MYH15: variants seen among roughly 807,000 people sequenced by gnomAD.
MYH15 encodes the protein myosin heavy chain 15.
In MYH15, 227 loss-of-function variants were observed where a neutral mutation model predicts 240.5. That is an observed-to-expected ratio of 0.94 (90% CI 0.85 to 1.05). The LOEUF (loss-of-function observed/expected upper bound fraction) is 1.05. Among genes scored for constraint, MYH15 ranks in the 50% least tolerant of loss-of-function variants. The pLI, the probability that MYH15 is intolerant of heterozygous loss-of-function variation, is 0.00. For missense variants in MYH15, 2,217 were observed against 2,247.5 expected (o/e 0.99, Z 0.27); for synonymous variants, 785 against 796.7 (o/e 0.99, Z 0.25).
At chr3:108,545,136 A>G in the MYH15 span, among the ~76,000 whole-genome samples, 546 of 152,090 alleles carry the variant, frequency 3.6e-3, 1 homozygote, top group Non-Finnish European at 6.5e-3. Flanking sequence ...TCTTTCAAAA[A>G]GAGATGTTAA....
At chr3:108,528,347 G>A (rs2083689222) in intron 1 of MYH15, among the ~76,000 whole-genome samples, 1 of 152,080 alleles carries the variant, frequency 6.6e-6, no homozygotes, top group Non-Finnish European at 1.5e-5. Flanking sequence ...ATAAAGAATG[G>A]CCATATCATT....
chr3:108,394,690 G>A (rs2082446755), intron 35 of MYH15, among the ~76,000 whole-genome samples: 1 of 152,130 alleles, frequency 6.6e-6, no homozygotes, highest in Non-Finnish European at 1.5e-5. Flanking sequence ...GCCTCCTCCA[G>A]CCCTTAGGTA....
chr3:108,541,187 CAAGAT>C, the MYH15 span, among the ~76,000 whole-genome samples: 4 of 151,632 alleles, frequency 2.6e-5, no homozygotes, highest in East Asian at 3.9e-4. Flanking sequence ...TTTAACTAGA[CAAGAT>C]GAGTCTAAAA....
At chr3:108,435,390 G>A (rs2082822634) in intron 25 of MYH15, among the ~76,000 whole-genome samples, 1 of 152,060 alleles carries the variant, frequency 6.6e-6, no homozygotes, top group Non-Finnish European at 1.5e-5. Flanking sequence ...CAGGCAAAAT[G>A]TTGTAAAGCA....
At chr3:108,472,329 A>G (rs1288707191) in intron 12 of MYH15, among the ~76,000 whole-genome samples, 1 of 152,172 alleles carries the variant, frequency 6.6e-6, no homozygotes, top group Non-Finnish European at 1.5e-5. Flanking sequence ...TGCTCCAATC[A>G]CTTAACATTT....
the MYH15 span, among the ~76,000 whole-genome samples, chr3:108,535,347 G>A: frequency 1.3e-5 from 2 of 152,122 alleles, no homozygotes; most frequent in Admixed American, 1.3e-4. Context: ...GTCTGATGAG[G>A]GCTTTCTTTC....
At chr3:108,452,389 G>C (rs530771410) in intron 21 of MYH15, among the ~76,000 whole-genome samples, 2 of 151,514 alleles carry the variant, frequency 1.3e-5, no homozygotes, top group South Asian at 4.2e-4. Context: ...GCAGAAGTTA[G>C]TAGCAACAAA....
Position 108,450,400 on chromosome 3 carries a change from G to T in MYH15, c.2399+3606C>A, listed in dbSNP as rs564896535. Among the ~76,000 whole-genome samples, 4 of 152,226 alleles carry T rather than the reference G, an allele frequency of 2.6e-5. No homozygotes were observed. In the South Asian group the frequency reaches 8.3e-4, roughly 32 times the overall value. On this transcript the variant is annotated intron_variant, in intron 21 of 40. Transcript: ENST00000693548. ...AAAACATTGTCATTTGTGACAACATGGGTTAACCTAGAGGACATTATGCTA... is the reference window on the plus strand; with the variant it reads ...AAAACATTGTCATTTGTGACAACATTGGTTAACCTAGAGGACATTATGCTA...
chr3:108,457,931 G>C (rs959664659), intron 18 of MYH15, among the ~76,000 whole-genome samples: 1 of 152,160 alleles, frequency 6.6e-6, no homozygotes, highest in Admixed American at 6.5e-5. Context: ...CTACACAGGA[G>C]GCTGAGGTAC....
At chr3:108,505,995 ACACT>A (rs1334123207) in intron 1 of MYH15, among the ~76,000 whole-genome samples, 166 bp from the exon 2 acceptor site, 2 of 152,200 alleles carry the variant, frequency 1.3e-5, no homozygotes, top group African/African-American at 4.8e-5. Flanking sequence ...TTCTGAAGAT[ACACT>A]CACTCACATA....
intron 21 of MYH15, among the ~76,000 whole-genome samples, chr3:108,448,535 G>A (rs6766564): frequency 0.77 from 117,409 of 151,960 alleles, 45,581 homozygotes; most frequent in African/African-American, 0.8. Context: ...AAATGTGTCA[G>A]TTCATCAAGA....
At chr3:108,407,621 G>GCA (rs1233033469) in intron 32 of MYH15, among the ~76,000 whole-genome samples, 1 of 152,120 alleles carries the variant, frequency 6.6e-6, no homozygotes, top group Admixed American at 6.5e-5. Flanking sequence ...CTGTCAATCT[G>GCA]CACAAAGATG....
At chr3:108,477,059 T>TG (rs1239739507) in intron 11 of MYH15, among the ~76,000 whole-genome samples, 1 of 152,008 alleles carries the variant, frequency 6.6e-6, no homozygotes, top group East Asian at 1.9e-4. Context: ...AGTCAAAAGG[T>TG]GGGAAAAAGT....
At chr3:108,473,159 C>G (rs1263506262) in intron 12 of MYH15, among the ~76,000 whole-genome samples, 1 of 152,160 alleles carries the variant, frequency 6.6e-6, no homozygotes, top group East Asian at 1.9e-4. Flanking sequence ...AAGCACACAC[C>G]ACAATGCCCG....
At chr3:108,408,213 T>C (rs2082560565) in intron 32 of MYH15, 67 bp downstream of exon 32, 1 of 1,527,362 alleles carries the variant, frequency 6.5e-7, no homozygotes, top group Admixed American at 2.0e-5. Flanking sequence ...GGTGCTGCTG[T>C]TATTGCTGAA....
intron 33 of MYH15, among the ~76,000 whole-genome samples, chr3:108,400,489 G>A (rs999349810): frequency 2.0e-5 from 3 of 152,126 alleles, no homozygotes. Context: ...ATTCCATGTT[G>A]AATTGTCATC....
chr3:108,426,816 G>C (rs1021624524), intron 27 of MYH15, among the ~76,000 whole-genome samples: 7 of 152,218 alleles, frequency 4.6e-5, no homozygotes, highest in African/African-American at 7.2e-5. Context: ...TCCTGCCAGG[G>C]GGGGGCAGTG....
chr3:108,467,344 G>C (rs1235167565), intron 14 of MYH15, among the ~76,000 whole-genome samples: 1 of 151,728 alleles, frequency 6.6e-6, no homozygotes, highest in Non-Finnish European at 1.5e-5. Flanking sequence ...TAACACATCT[G>C]AAAAGCTTCT....
rs748647507 is a variant in MYH15 at position 108,398,836 on chromosome 3, A to T, written c.4934T>A (p.Leu1645His). The change falls in exon 35 of 41, where the codon CTT becomes CAT. Residue 1645 changes from leucine (L) to histidine (H), a missense_variant. Physicochemically the swap from Leu to His is moderately conservative, Grantham distance 99. Transcript: ENST00000693548. ...LGQLQIQIKD[L>H]QMQLDDSTQL... is the part of the protein sequence containing the mutation. ...TGTGCTGTCATCCAGCTGCATTTGAAGGTCCTGGGAGAGAAAAGATGGGTC... is the reference window on the plus strand; with the variant it reads ...TGTGCTGTCATCCAGCTGCATTTGATGGTCCTGGGAGAGAAAAGATGGGTC... 3 of 1,614,150 alleles carry T rather than the reference A, an allele frequency of 1.9e-6. No individual in the cohort carries two copies. In the Admixed American group the frequency reaches 5.0e-5, roughly 27 times the overall value.
Sources: allele counts gnomAD v4.1 joint callset (sites outside exome capture counted in the v4.1 genomes callset), GRCh38; gene constraint gnomAD v4.1.1; transcripts MANE v1.5; gene names NCBI Gene and HGNC (gene_info 2026-07-23, HGNC 2026-07-21).